Variants in SMARCA4 observed in about 807,000 individuals in gnomAD.
The protein encoded by SMARCA4 is SWI/SNF related BAF chromatin remodeling complex subunit ATPase 4, also known as SWI/SNF-related matrix-associated actin-dependent regulator of chromatin subfamily A member 4.
SMARCA4 carries 31 observed loss-of-function variants against 193.9 expected under a neutral mutation model. That is an observed-to-expected ratio of 0.16 (90% CI 0.12 to 0.22). The LOEUF is 0.22. Among genes scored for constraint, SMARCA4 ranks in the 10% least tolerant of loss-of-function variants. SMARCA4 has a pLI of 1.00. For missense variants in SMARCA4, 1,148 were observed against 2,296.0 expected (o/e 0.50, Z 10.22); for synonymous variants, 942 against 933.1 (o/e 1.01, Z -0.17).
In SMARCA4 at chr19:11,023,708, G is replaced by T. The variant is rs138287891; in HGVS notation, c.2973+77G>T. On this transcript the variant is annotated intron_variant, in intron 20 of 34. Coordinates refer to ENST00000344626, the MANE Select transcript of SMARCA4 (RefSeq NM_003072.5). ...TTCTCCAGGGCTGGGCGTGCTCAGG[G>T]CCTCTCCCCACAGTCCCAGGCCTGC... 4.5e-6 allele frequency: 4 copies of T among 888,952 alleles called. No homozygotes were observed. In the African/African-American group the frequency reaches 6.6e-5, roughly 15 times the overall value. 55.1% of individuals were successfully genotyped at this position (888,952 alleles called of 1,614,324 possible).
rs1024947108 is a variant in SMARCA4, at chr19:10,984,928, A to G, written c.223-345A>G. Among the ~76,000 whole-genome samples the G allele has an allele frequency of 2.6e-5, 4 of 152,200 alleles. No individual in the cohort carries two copies. The highest frequency in any genetic ancestry group is 9.7e-5 in the African/African-American group (4 of 41,448). Reference sequence around the variant, plus strand: ...GGTTAGAGGACATATTCCCTTATACATACAGCATCTGAAAGGAAAGGTCAT... The same window carrying G: ...GGTTAGAGGACATATTCCCTTATACGTACAGCATCTGAAAGGAAAGGTCAT... On this transcript the variant is annotated intron_variant, in intron 2 of 34. Transcript: ENST00000344626. The surrounding 1 kb of genome is among the most constrained non-coding windows in gnomAD (Gnocchi z 4.3).
chr19:11,004,131 C>T (rs1226115964), intron 13 of SMARCA4, among the ~76,000 whole-genome samples: 1 of 152,142 alleles, frequency 6.6e-6, no homozygotes, highest in Non-Finnish European at 1.5e-5. Context: ...ATTCTCCTGC[C>T]TCAGCCTCCC....
chr19:11,057,196 C>T (rs2147069944), intron 30 of SMARCA4, among the ~76,000 whole-genome samples: 1 of 152,354 alleles, frequency 6.6e-6, no homozygotes, highest in African/African-American at 2.4e-5. Flanking sequence ...GCGCGTTTGC[C>T]ATGCGTTCTC....
At chr19:10,993,446 G>A (rs1335199209) in intron 8 of SMARCA4, among the ~76,000 whole-genome samples, 1 of 152,104 alleles carries the variant, frequency 6.6e-6, no homozygotes, top group Admixed American at 6.6e-5. Context: ...TGCTAGGACC[G>A]GAATTCTTGG....
chr19:11,057,971 G>A (rs1203063732), intron 30 of SMARCA4, among the ~76,000 whole-genome samples: 1 of 151,712 alleles, frequency 6.6e-6, no homozygotes, highest in Middle Eastern at 3.2e-3. Context: ...GCATGGTGGT[G>A]CACGACTGTA....
intron 7 of SMARCA4, 48 bp downstream of exon 7, chr19:10,989,491 A>G (rs2145852374): frequency 6.2e-7 from 1 of 1,606,774 alleles, no homozygotes. Context: ...CTTTGTCACC[A>G]ACACTGCTGC....
intron 1 of SMARCA4, among the ~76,000 whole-genome samples, chr19:10,967,561 C>G (rs182503868): frequency 6.6e-6 from 1 of 152,002 alleles, no homozygotes; most frequent in African/African-American, 2.4e-5. Context: ...CCGTCTGCCT[C>G]AGCCTCCCAA....
At chr19:10,994,785 A>G (rs779862188) in intron 8 of SMARCA4, 43 bp from the exon 9 acceptor site, 4 of 1,573,324 alleles carry the variant, frequency 2.5e-6, no homozygotes, top group Admixed American at 3.3e-5. Flanking sequence ...TGTGTCCACC[A>G]TGCTGCTGAA....
chr19:11,058,947 A>T lies in SMARCA4; in HGVS notation c.4635+58A>T. The T allele has an allele frequency of 7.5e-7, 1 of 1,327,134 alleles. No individual in the cohort carries two copies. Among genetic ancestry groups the T allele is most frequent in the Non-Finnish European group, 1.1e-6 (1 of 925,410 alleles). The allele number at this position is 1,327,134 out of a possible 1,614,324, so 82.2% of individuals were successfully genotyped here. A position where few individuals can be genotyped will look rare whatever the true frequency, so the allele number is the denominator to read the frequency against. ...ACTCCCACAGCTGGGCTTTGACCCA[A>T]CCCGCCCCTCCTTCCCTTCTGAATT... On this transcript the variant is annotated intron_variant, in intron 32 of 34. Transcript: ENST00000344626. The surrounding 1 kb of genome is among the most constrained non-coding windows in gnomAD (Gnocchi z 5.8).
At chr19:11,005,128 G>A (rs1195816915) in intron 13 of SMARCA4, among the ~76,000 whole-genome samples, 6 of 152,282 alleles carry the variant, frequency 3.9e-5, no homozygotes, top group African/African-American at 1.2e-4. Context: ...GAGCCACCAC[G>A]CCTGGCCTCT....
chr19:11,033,945 A>G lies in SMARCA4; in HGVS notation c.3873+80A>G. On this transcript the variant is annotated intron_variant, in intron 27 of 34. Transcript: ENST00000344626. The surrounding 1 kb of genome is among the most constrained non-coding windows in gnomAD (Gnocchi z 9.8). Reference sequence around the variant, plus strand: ...GACGGCCAGCAAGGGCCCTGGTCCCACGGAGCGTGCGTGTGCGTGTGCGTG... The same window carrying G: ...GACGGCCAGCAAGGGCCCTGGTCCCGCGGAGCGTGCGTGTGCGTGTGCGTG... The G allele has an allele frequency of 1.3e-6, 1 of 750,998 alleles. No individual in the cohort carries two copies. The highest frequency in any genetic ancestry group is 2.4e-6 in the Non-Finnish European group (1 of 409,052). The allele number at this position is 750,998 out of a possible 1,614,324, so 46.5% of individuals were successfully genotyped here.
intron 30 of SMARCA4, among the ~76,000 whole-genome samples, chr19:11,054,266 C>G: frequency 6.6e-6 from 1 of 152,230 alleles, no homozygotes; most frequent in East Asian, 1.9e-4. Flanking sequence ...GTGTCCAACC[C>G]TGAGCACAGC....
chr19:11,005,893 C>T (rs1334487564), intron 13 of SMARCA4, among the ~76,000 whole-genome samples: 4 of 152,162 alleles, frequency 2.6e-5, no homozygotes, highest in Admixed American at 1.3e-4. Context: ...TCAATTTGTC[C>T]GGCTTTATAG....
chr19:11,033,898 C>T lies in SMARCA4; in HGVS notation c.3873+33C>T, dbSNP rs757737217. 1.3e-6 allele frequency: 1 copy of T among 772,644 alleles called. No homozygotes were observed. Among genetic ancestry groups the T allele is most frequent in the East Asian group, 2.4e-5 (1 of 41,130 alleles). 47.9% of individuals were successfully genotyped at this position (772,644 alleles called of 1,614,324 possible). A position where few individuals can be genotyped will look rare whatever the true frequency, so the allele number is the denominator to read the frequency against. On this transcript the variant is annotated intron_variant, in intron 27 of 34. Transcript: ENST00000344626. The surrounding 1 kb of genome is among the most constrained non-coding windows in gnomAD (Gnocchi z 9.8). ...GGGTAGTTCAGTCTCCATGCCCATT[C>T]AATCCTCGGCTTCTCGGCTGAGACG...
At chr19:10,974,756 G>C (rs4804555) in intron 1 of SMARCA4, among the ~76,000 whole-genome samples, 1 of 119,474 alleles carries the variant, frequency 8.4e-6, no homozygotes, top group Non-Finnish European at 1.6e-5. Flanking sequence ...GCCTGGGCTA[G>C]AGAGCTGTGG....
Position 11,060,166 on chromosome 19 carries a change from C to A in SMARCA4, c.4890C>A (p.Asp1630Glu), listed in dbSNP as rs918621161. 1 of 1,551,136 alleles carries A rather than the reference C, an allele frequency of 6.4e-7. No homozygotes were observed. Among genetic ancestry groups the A allele is most frequent in the African/African-American group, 1.4e-5 (1 of 73,162 alleles). The stretch of plus-strand genomic sequence containing the variant: ...CCAAGCCGGTCGTGAGTGACGATGA[C>A]AGTGAGGAGGAACAAGAGGAGGTGA... ...SRAKPVVSDD[D>E]SEEEQEEDRS... The change falls in exon 34 of 35, where the codon GAC (aspartate) becomes GAA (glutamate). Residue 1630 changes from aspartate to glutamate, a missense_variant. Asp to Glu is a conservative substitution (Grantham distance 45, BLOSUM62 2). This residue lies in a region of SMARCA4 where 105 missense variants were observed against 133.7 expected (regional missense o/e 0.79). Transcript: ENST00000344626.
chr19:10,991,107 CAG>C lies in SMARCA4; in HGVS notation c.1246-40_1246-39del, dbSNP rs760697241. 6.8e-6 allele frequency: 11 copies of C among 1,610,300 alleles called. No homozygotes were observed. In the East Asian group the frequency reaches 2.5e-4, roughly 36 times the overall value. On this transcript the variant is annotated intron_variant, in intron 7 of 34. Coordinates refer to ENST00000344626, the MANE Select transcript of SMARCA4 (RefSeq NM_003072.5). Reference sequence around the variant, plus strand: ...TACGTGTTTGTCATTGTGGATGCCACAGAGCTGTGCAGTGCGCGGGCTTGTCC... The same window carrying C: ...TACGTGTTTGTCATTGTGGATGCCACAGCTGTGCAGTGCGCGGGCTTGTCC...
At chr19:11,049,816 T>C (rs2076157569) in intron 30 of SMARCA4, among the ~76,000 whole-genome samples, 2 of 152,156 alleles carry the variant, frequency 1.3e-5, no homozygotes, top group South Asian at 2.1e-4. Flanking sequence ...ATAAAGACCA[T>C]GCGGGCCAGG....
At chr19:11,042,130 A>G (rs1437469309) in intron 30 of SMARCA4, among the ~76,000 whole-genome samples, 2 of 152,202 alleles carry the variant, frequency 1.3e-5, no homozygotes, top group Admixed American at 6.5e-5. Context: ...GCCCTGCTCC[A>G]AGCCTGGAGA....
Sources: gnomAD v4.1 joint callset for allele counts (sites outside exome capture counted in the v4.1 genomes callset) on GRCh38, gnomAD v4.1.1 for gene constraint, gnomAD v4.1.1 regional missense constraint, Gnocchi (gnomAD v3.1) non-coding constraint, MANE v1.5 for transcripts, NCBI Gene and HGNC (gene_info 2026-07-23, HGNC 2026-07-21) for gene names.